CNGB1: variants seen among roughly 807,000 people sequenced by gnomAD.
CNGB1 encodes the protein cyclic nucleotide gated channel subunit beta 1, also known as cyclic nucleotide-gated channel beta-1.
In CNGB1, 126 loss-of-function variants were observed where a neutral mutation model predicts 151.7. The ratio of observed to expected loss-of-function variants is 0.83; its 90% CI spans 0.72 to 0.96. The LOEUF is 0.96. CNGB1 is among the 40% of genes least tolerant of loss of function. The pLI is 0.00. For missense variants in CNGB1, 1,698 were observed against 1,627.0 expected, an observed-to-expected ratio of 1.04 and a Z score of -0.75; for synonymous variants, 623 against 635.1, an observed-to-expected ratio of 0.98 and a Z score of 0.29.
rs1960905449 is a variant in CNGB1, at chr16:57,917,534, T to C, written c.1958-58A>G. On this transcript the variant is annotated intron_variant, in intron 20 of 32. Coordinates refer to ENST00000251102, the MANE Select transcript of CNGB1 (RefSeq NM_001297.5). The stretch of plus-strand genomic sequence containing the variant: ...TCAGCCAGGCAAGGCTCTTCACCAG[T>C]TGGATCAGGTAGGGTTTTGTTCTTT... 6.4e-6 allele frequency: 10 copies of C among 1,556,622 alleles called. No individual in the cohort carries two copies. The South Asian group carries it at 6.7e-5, about 10-fold the overall frequency.
At chr16:57,903,536 G>A (rs1960447062) in intron 27 of CNGB1, among the ~76,000 whole-genome samples, 1 of 152,098 alleles carries the variant, frequency 6.6e-6, no homozygotes, top group South Asian at 2.1e-4. Context: ...ACTACACTTC[G>A]CTCTTGGATG....
At position 57,916,174 on chromosome 16, in the gene CNGB1, G is replaced by A. The variant is rs1385285425; in HGVS notation, c.2172C>T (p.Asp724=). The change falls in exon 22 of 33, where the codon GAC becomes GAT. Residue 724 remains aspartate, a synonymous_variant. Transcript: ENST00000251102. ...QFVRGGDIIT[D]KKDMRNNYLK... ...GGTAGTTATTTCGCATGTCCTTTTTGTCCGTCTGAAAGAAAGGGAATGATG... is the reference window on the plus strand; with the variant it reads ...GGTAGTTATTTCGCATGTCCTTTTTATCCGTCTGAAAGAAAGGGAATGATG... 6.2e-7 allele frequency: 1 copy of A among 1,613,606 alleles called. No individual in the cohort carries two copies. The highest frequency in any genetic ancestry group is 1.3e-5 in the African/African-American group (1 of 74,886).
In CNGB1 at chr16:57,887,917, C is replaced by A. The variant is rs1260816306; in HGVS notation, c.3400G>T (p.Ala1134Ser). The A allele has an allele frequency of 6.2e-7, 1 of 1,614,188 alleles. No individual in the cohort carries two copies. Among genetic ancestry groups the A allele is most frequent in the African/African-American group, 1.3e-5 (1 of 75,052 alleles). ...AGCGCGGCCAGTTCTTTGAGCCGGG[C>A]CCGGAGGTGAGCAAGTTTGCCGCCT... Reference protein sequence around the residue: ...AKGGKLAHLRARLKELAALEA... With the variant: ...AKGGKLAHLRSRLKELAALEA... The change falls in exon 32 of 33, where the codon GCC (alanine) becomes TCC (serine). Residue 1134 changes from alanine (A) to serine (S), a missense_variant. By Grantham distance (99) the Ala-to-Ser change is moderately conservative (BLOSUM62 1). Coordinates refer to ENST00000251102, the MANE Select transcript of CNGB1 (RefSeq NM_001297.5).
At chr16:57,960,983 G>A (rs1439243117) in intron 7 of CNGB1, 68 bp from the exon 8 acceptor site, 25 of 1,456,242 alleles carry the variant, frequency 1.7e-5, no homozygotes, top group Admixed American at 1.2e-4. Flanking sequence ...AGCCCACCTC[G>A]GGGCCAGGCC....
At chr16:57,904,694 C>A in intron 26 of CNGB1, 40 bp downstream of exon 26, 2 of 1,613,296 alleles carry the variant, frequency 1.2e-6, no homozygotes, top group Non-Finnish European at 1.7e-6. Flanking sequence ...GGGGGCCCTG[C>A]AGTCAGGTGG....
intron 11 of CNGB1, 87 bp downstream of exon 11, chr16:57,958,323 C>A: frequency 1.3e-6 from 1 of 761,754 alleles, no homozygotes; most frequent in South Asian, 2.0e-5. Flanking sequence ...GCTTCTGCCA[C>A]AGGGCCAACC....
intron 16 of CNGB1, among the ~76,000 whole-genome samples, chr16:57,938,640 C>G (rs545105302): frequency 6.6e-6 from 1 of 151,398 alleles, no homozygotes; most frequent in African/African-American, 2.5e-5. Context: ...CAGGTCTGTG[C>G]CTTGACCTCT....
intron 6 of CNGB1, 35 bp downstream of exon 6, chr16:57,962,807 T>C: frequency 6.2e-7 from 1 of 1,611,918 alleles, no homozygotes; most frequent in Non-Finnish European, 8.5e-7. Flanking sequence ...CCCTCAGCCC[T>C]GCTGCTGAAA....
chr16:57,884,540 C>G, intron 32 of CNGB1, 83 bp from the exon 33 acceptor site: 1 of 1,501,072 alleles, frequency 6.7e-7, no homozygotes, highest in Non-Finnish European at 9.2e-7. Context: ...CTGTTCCAGC[C>G]TTTTTGGACC....
At chr16:57,917,508 A>G (rs1480418776) in intron 20 of CNGB1, 32 bp from the exon 21 acceptor site, 1 of 1,607,526 alleles carries the variant, frequency 6.2e-7, no homozygotes, top group African/African-American at 1.3e-5. Context: ...ACGCTAGAGC[A>G]TCAGCCAGGC....
chr16:57,964,539 G>A lies in CNGB1; in HGVS notation c.165C>T (p.Pro55=), dbSNP rs773046751. Residue 55 remains proline, a synonymous_variant, in exon 3 of 33, where the codon CCC becomes CCT. Transcript: ENST00000251102. ...CTTCCTCCTCCTTGAATGACTCTTC[G>A]GGGGGCTAGAGGGTTCGAACAGGAT... is the stretch of plus-strand genomic sequence containing the variant. The part of the protein sequence containing the change: ...EAETESESMP[P]EESFKEEEVA... The A allele has an allele frequency of 3.2e-5, 51 of 1,614,046 alleles. No homozygotes were observed. Among genetic ancestry groups the A allele is most frequent in the African/African-American group, 2.7e-4 (20 of 75,036 alleles).
At position 57,949,151 on chromosome 16, in the gene CNGB1, G is replaced by C. The variant is rs185173655; in HGVS notation, c.1121+202C>G. 1.4e-3 allele frequency among the ~76,000 whole-genome samples: 216 copies of C among 152,116 alleles called. 2 individuals are homozygous for C. Among genetic ancestry groups the C allele is most frequent in the Middle Eastern group, 3.4e-3 (1 of 292 alleles). On this transcript the variant is annotated intron_variant, in intron 14 of 32. Transcript: ENST00000251102. ...GTGTGTGTGGGGGGGGATGTGGAGT[G>C]GTGGGTAATATGATTCCCAGGTCAT... is the stretch of plus-strand genomic sequence containing the variant.
chr16:57,962,924 C>A (rs749893885), intron 5 of CNGB1, 50 bp downstream of exon 5: 2 of 1,612,264 alleles, frequency 1.2e-6, no homozygotes, highest in Non-Finnish European at 1.7e-6. Context: ...GGCAGCCTCC[C>A]CACAGCCCCT....
In CNGB1 at chr16:57,949,133, T is replaced by TG. The variant is rs377372607; in HGVS notation, c.1121+219dup. Among the ~76,000 whole-genome samples the TG allele has an allele frequency of 4.0e-3, 599 of 149,278 alleles. 4 individuals are homozygous for TG. Among genetic ancestry groups the TG allele is most frequent in the African/African-American group, 0.013 (539 of 40,402 alleles). On this transcript the variant is annotated intron_variant, in intron 14 of 32. Transcript: ENST00000251102. ...CTTGGAGGCTGCATTCTAGTGTGTG[T>TG]GGGGGGGGATGTGGAGTGGTGGGTA...
intron 15 of CNGB1, 149 bp downstream of exon 15, chr16:57,940,085 G>A (rs2303779): frequency 0.39 from 299,742 of 778,390 alleles, 60,649 homozygotes; most frequent in Non-Finnish European, 0.42. Flanking sequence ...CCAAGAGGGG[G>A]CCTCGCAGGA....
rs118136854 is a variant in CNGB1 at position 57,924,439 on chromosome 16, A to T, written c.1536-1059T>A. On this transcript the variant is annotated intron_variant, in intron 17 of 32. Transcript: ENST00000251102. The stretch of plus-strand genomic sequence containing the variant: ...GCCAATATCTACCAATAGGAAGAGC[A>T]TTTCATATGTCCATGAATGAAGTCC... Among the ~76,000 whole-genome samples, 808 of 152,354 alleles carry T rather than the reference A, an allele frequency of 5.3e-3. 3 individuals are homozygous for T. The highest frequency in any genetic ancestry group is 7.5e-3 in the Non-Finnish European group (509 of 68,038).
In CNGB1 at chr16:57,923,293, G is replaced by A; in HGVS notation, c.1623C>T (p.Pro541=). 1.2e-6 allele frequency: 2 copies of A among 1,612,872 alleles called. No individual in the cohort carries two copies. Among genetic ancestry groups the A allele is most frequent in the Non-Finnish European group, 1.7e-6 (2 of 1,179,574 alleles). Residue 541 remains proline (P), a synonymous_variant, in exon 18 of 33, where the codon CCC becomes CCT. Transcript: ENST00000251102. The part of the protein sequence containing the change: ...AESPVVAWSD[P]TTPKDTDGQD... ...CTCACTCAGTGTCCTTCGGGGTGGT[G>A]GGGTCAGACCAGGCAACCACTGGGG...
rs1311967612 is a variant in CNGB1, at chr16:57,939,549, T to C, written c.1253A>G (p.Glu418Gly). The C allele has an allele frequency of 6.2e-7, 1 of 1,614,140 alleles. No homozygotes were observed. The highest frequency in any genetic ancestry group is 8.5e-7 in the Non-Finnish European group (1 of 1,180,010). The change falls in exon 16 of 33, where the codon GAA becomes GGA. Residue 418 changes from glutamate to glycine, a missense_variant. Transcript: ENST00000251102. ...CTCGGCCTCCTCCTTGGCCTTCTCTTCAGCCTCCTTCTTGGCCTCCTCCCC... is the reference window on the plus strand; with the variant it reads ...CTCGGCCTCCTCCTTGGCCTTCTCTCCAGCCTCCTTCTTGGCCTCCTCCCC... Reference protein sequence around the residue: ...EVGEEAKKEAEEKAKEEAEEV... With the variant: ...EVGEEAKKEAGEKAKEEAEEV...
intron 2 of CNGB1, among the ~76,000 whole-genome samples, chr16:57,965,027 G>T (rs550549203): frequency 4.7e-4 from 71 of 152,284 alleles, no homozygotes; most frequent in Non-Finnish European, 8.5e-4. Flanking sequence ...CCTTTCACCT[G>T]CCTCTGCAGC....
Sources: gnomAD v4.1 joint callset for allele counts (sites outside exome capture counted in the v4.1 genomes callset) on GRCh38, gnomAD v4.1.1 for gene constraint, MANE v1.5 for transcripts, NCBI Gene and HGNC (gene_info 2026-07-23, HGNC 2026-07-21) for gene names.